Variants in MYO18B observed in about 807,000 individuals in gnomAD.
The protein encoded by MYO18B is myosin XVIIIB.
A neutral mutation model predicts 273.0 loss-of-function variants in MYO18B; 204 were observed. That is an observed-to-expected ratio of 0.75 (90% confidence interval 0.67 to 0.84). The LOEUF (loss-of-function observed/expected upper bound fraction) is 0.84. Ranked by LOEUF, MYO18B falls within the 40% of genes least tolerant of loss-of-function variation. MYO18B has a pLI of 0.00. For missense variants in MYO18B, 3,212 were observed against 3,287.6 expected, an observed-to-expected ratio of 0.98 and a Z score of 0.56; for synonymous variants, 1,330 against 1,305.7, an observed-to-expected ratio of 1.02 and a Z score of -0.40.
chr22:25,769,417 G>T lies in MYO18B; in HGVS notation c.1501G>T (p.Asp501Tyr), dbSNP rs2086633576. The change falls in exon 4 of 44, where the codon GAC (aspartate) becomes TAC (tyrosine). Residue 501 changes from aspartate to tyrosine, a missense_variant. Transcript: ENST00000335473. ...GGAGGGCAAAGGAGGCCAGAGCAGAGACTCAGACCAGGTGAGGGGGCTGCG... is the reference window on the plus strand; with the variant it reads ...GGAGGGCAAAGGAGGCCAGAGCAGATACTCAGACCAGGTGAGGGGGCTGCG... ...QEEGKGGQSRDSDQAPEDRWY... is the reference protein window; with the variant it reads ...QEEGKGGQSRYSDQAPEDRWY... The T allele has an allele frequency of 1.3e-6, 2 of 1,548,790 alleles. No homozygotes were observed. Among genetic ancestry groups the T allele is most frequent in the African/African-American group, 2.7e-5 (2 of 73,210 alleles).
At chr22:25,762,180 G>A (rs2086345468) in intron 2 of MYO18B, among the ~76,000 whole-genome samples, 1 of 152,140 alleles carries the variant, frequency 6.6e-6, no homozygotes, top group African/African-American at 2.4e-5. Context: ...GGAAAGAAGG[G>A]AAATGATGTT....
intron 43 of MYO18B, among the ~76,000 whole-genome samples, chr22:26,029,714 C>T (rs1424393880): frequency 6.6e-6 from 1 of 152,164 alleles, no homozygotes; most frequent in Admixed American, 6.5e-5. Flanking sequence ...TGGAACCAAA[C>T]AAGACCCCCC....
intron 34 of MYO18B, among the ~76,000 whole-genome samples, chr22:25,927,975 G>A (rs945568120): frequency 9.2e-5 from 14 of 152,156 alleles, no homozygotes; most frequent in Non-Finnish European, 1.9e-4. Flanking sequence ...TTTAAAGATG[G>A]AAATGAATTG....
At chr22:25,997,886 A>G (rs911121301) in intron 40 of MYO18B, among the ~76,000 whole-genome samples, 1 of 151,206 alleles carries the variant, frequency 6.6e-6, no homozygotes. Flanking sequence ...TACTTCTCCA[A>G]ACAGAGTTCT....
intron 1 of MYO18B, among the ~76,000 whole-genome samples, chr22:25,742,785 A>C (rs1052883956): frequency 6.6e-6 from 1 of 152,208 alleles, no homozygotes; most frequent in Non-Finnish European, 1.5e-5. Context: ...TTAAACTGCA[A>C]ATTAAGCATG....
chr22:25,876,384 T>C, intron 24 of MYO18B, 52 bp downstream of exon 24: 1 of 1,541,004 alleles, frequency 6.5e-7, no homozygotes, highest in Non-Finnish European at 8.8e-7. Flanking sequence ...CACACCCTGC[T>C]CCTCCTGTTT....
intron 12 of MYO18B, among the ~76,000 whole-genome samples, chr22:25,807,871 A>C (rs567536061): frequency 4.8e-4 from 73 of 152,220 alleles, no homozygotes; most frequent in Admixed American, 4.3e-3. Flanking sequence ...TCTGAGGCTC[A>C]GAAAACTGAG....
intron 1 of MYO18B, among the ~76,000 whole-genome samples, chr22:25,753,223 C>T (rs528741328): frequency 2.6e-5 from 3 of 116,062 alleles, no homozygotes; most frequent in Non-Finnish European, 3.6e-5. Flanking sequence ...GCCTCCCGGT[C>T]GGCAGGGGCG....
intron 40 of MYO18B, among the ~76,000 whole-genome samples, chr22:25,999,848 G>A (rs1235241121): frequency 6.6e-6 from 1 of 152,100 alleles, no homozygotes; most frequent in Admixed American, 6.6e-5. Context: ...TAGAGACAGG[G>A]TTTCACCATA....
At chr22:25,933,837 T>G (rs930439767) in intron 34 of MYO18B, among the ~76,000 whole-genome samples, 2 of 152,208 alleles carry the variant, frequency 1.3e-5, no homozygotes, top group African/African-American at 4.8e-5. Flanking sequence ...TGCATTTCTG[T>G]AGGGTGCATA....
chr22:25,866,088 T>C (rs111682340), intron 21 of MYO18B, among the ~76,000 whole-genome samples: 3,094 of 152,216 alleles, frequency 0.02, 74 homozygotes, highest in African/African-American at 0.059. Context: ...TTTTTTTTGA[T>C]ATCTTAGGAA....
In MYO18B at chr22:25,921,293, C is replaced by A; in HGVS notation, c.5401C>A (p.Arg1801=). 1 of 1,555,554 alleles carries A rather than the reference C, an allele frequency of 6.4e-7. No individual in the cohort carries two copies. Among genetic ancestry groups the A allele is most frequent in the South Asian group, 1.2e-5 (1 of 84,150 alleles). ...GGACTTTGATGTGGAGAAGCGACTT[C>A]GGAGAGACCTCAGGAGGACACATGC... is the stretch of plus-strand genomic sequence containing the variant. ...HRDFDVEKRL[R]RDLRRTHALL... is the part of the protein sequence containing the mutation. Residue 1801 remains arginine (R), a synonymous_variant, in exon 34 of 44, where the codon CGG becomes AGG. Transcript: ENST00000335473.
intron 39 of MYO18B, among the ~76,000 whole-genome samples, chr22:25,988,115 T>C (rs1173135479): frequency 6.6e-6 from 1 of 151,826 alleles, no homozygotes; most frequent in Non-Finnish European, 1.5e-5. Context: ...GCCCACTTCC[T>C]GTTTCATGAG....
At chr22:25,783,893 G>A (rs2087266162) in intron 10 of MYO18B, among the ~76,000 whole-genome samples, 1 of 152,206 alleles carries the variant, frequency 6.6e-6, no homozygotes, top group African/African-American at 2.4e-5. Context: ...CCTCATTGGT[G>A]ATCCCCCAAT....
intron 24 of MYO18B, chr22:25,877,294 C>T (rs1222273754): frequency 1.3e-5 from 2 of 152,062 alleles, no homozygotes; most frequent in Non-Finnish European, 2.9e-5. Context: ...CTCCATTCCC[C>T]AACCGCTCTT....
At chr22:25,914,198 C>T (rs984645523) in intron 33 of MYO18B, among the ~76,000 whole-genome samples, 5 of 151,828 alleles carry the variant, frequency 3.3e-5, no homozygotes, top group African/African-American at 4.8e-5. Context: ...TTTGATAACT[C>T]GTAGGACAGC....
intron 6 of MYO18B, among the ~76,000 whole-genome samples, chr22:25,771,284 G>T (rs1026459246): frequency 6.6e-6 from 1 of 152,156 alleles, no homozygotes; most frequent in Non-Finnish European, 1.5e-5. Flanking sequence ...CCAAGAAAAT[G>T]ACTGCTTTTA....
intron 21 of MYO18B, among the ~76,000 whole-genome samples, chr22:25,865,064 A>G (rs573076613): frequency 2.6e-5 from 4 of 152,364 alleles, no homozygotes; most frequent in African/African-American, 7.2e-5. Flanking sequence ...GTATGGTTCA[A>G]TCTAATTGTA....
At chr22:25,933,270 T>G (rs2146515221) in intron 34 of MYO18B, among the ~76,000 whole-genome samples, 1 of 152,294 alleles carries the variant, frequency 6.6e-6, no homozygotes, top group Non-Finnish European at 1.5e-5. Flanking sequence ...CCAAAAGGGA[T>G]GAGCTTGTCA....
Sources: allele counts gnomAD v4.1 joint callset (sites outside exome capture counted in the v4.1 genomes callset), GRCh38; gene constraint gnomAD v4.1.1; transcripts MANE v1.5; gene names NCBI Gene and HGNC (gene_info 2026-07-23, HGNC 2026-07-21).